GRM7: variants seen among roughly 807,000 people sequenced by gnomAD.
GRM7 encodes glutamate metabotropic receptor 7.
In GRM7, 35 loss-of-function variants were observed where a neutral mutation model predicts 84.5. The ratio of observed to expected loss-of-function variants is 0.41; its 90% CI spans 0.32 to 0.55. GRM7 has a LOEUF of 0.55. GRM7 is among the 20% of genes least tolerant of loss of function. The pLI, the probability that GRM7 is intolerant of heterozygous loss-of-function variation, is 0.19. For missense variants in GRM7, 1,003 were observed against 1,194.6 expected (o/e 0.84, Z 2.36); for synonymous variants, 487 against 455.1 (o/e 1.07, Z -0.89).
At position 7,410,594 on chromosome 3, in the gene GRM7, T is replaced by TAC. The variant is rs1443294487; in HGVS notation, c.1034-4428_1034-4427insCA. 1.5e-4 allele frequency among the ~76,000 whole-genome samples: 16 copies of TAC among 106,392 alleles called. No individual in the cohort carries two copies. In the East Asian group the frequency reaches 1.7e-3, roughly 11 times the overall value. The allele number at this position is 106,392 out of a possible 152,430, so 69.8% of individuals were successfully genotyped here. The stretch of plus-strand genomic sequence containing the variant: ...CTCAAAAAAACAAAATATATATATA[T>TAC]ATATACACACACACACACACACACA... On this transcript the variant is annotated intron_variant, in intron 4 of 9. Coordinates refer to ENST00000357716, the MANE Select transcript of GRM7 (RefSeq NM_000844.4).
In GRM7 at chr3:6,863,510, C is replaced by G. The variant is rs1694836100; in HGVS notation, c.519+1603C>G. On this transcript the variant is annotated intron_variant, in intron 1 of 9. Coordinates refer to ENST00000357716, the MANE Select transcript of GRM7 (RefSeq NM_000844.4). This position sits in a 1 kb window ranked among gnomAD's most constrained non-coding sequence, Gnocchi z 4.8. ...ATGGCCCCTCTGATCCTCTGAGCAT[C>G]TCTGACACTTCCTGAGTGCCATCAT... Among the ~76,000 whole-genome samples the G allele has an allele frequency of 6.6e-6, 1 of 152,204 alleles. No homozygotes were observed. The highest frequency in any genetic ancestry group is 2.4e-5 in the African/African-American group (1 of 41,458).
intron 1 of GRM7, among the ~76,000 whole-genome samples, chr3:7,076,254 T>C (rs991676016): frequency 6.6e-6 from 1 of 152,134 alleles, no homozygotes; most frequent in African/African-American, 2.4e-5. Flanking sequence ...GTTCCATTGT[T>C]TTCTTCCTGC....
intron 5 of GRM7, among the ~76,000 whole-genome samples, chr3:7,417,604 C>G (rs947267570): frequency 6.6e-6 from 1 of 152,092 alleles, no homozygotes; most frequent in African/African-American, 2.4e-5. Context: ...AGTAGTCTGA[C>G]ACTGAAGATC....
At position 7,298,727 on chromosome 3, in the gene GRM7, CAA is replaced by C. The variant is rs1266190622; in HGVS notation, c.782_783del (p.Lys261ArgfsTer5). ...AGTCCGTGAGAATCCCCCAGGAACGCAAAGACAGGACCATTGACTTTGATAGA... is the reference window on the plus strand; with the variant it reads ...AGTCCGTGAGAATCCCCCAGGAACGCAGACAGGACCATTGACTTTGATAGA... ...AQSVRIPQER[K>X]DRTIDFDRII... On this transcript the variant is annotated frameshift_variant, in exon 3 of 10. Transcript: ENST00000357716. LOFTEE classifies it high-confidence loss of function. 6.2e-7 allele frequency: 1 copy of C among 1,613,384 alleles called. No homozygotes were observed. The highest frequency in any genetic ancestry group is 1.3e-5 in the African/African-American group (1 of 74,898).
At chr3:7,339,860 C>A (rs558004054) in intron 4 of GRM7, among the ~76,000 whole-genome samples, 1 of 152,130 alleles carries the variant, frequency 6.6e-6, no homozygotes, top group Non-Finnish European at 1.5e-5. Context: ...TGAAAGGATT[C>A]CAGTGACCGC....
chr3:7,010,182 G>A (rs1695323255), intron 1 of GRM7, among the ~76,000 whole-genome samples: 1 of 152,210 alleles, frequency 6.6e-6, no homozygotes, highest in African/African-American at 2.4e-5. Context: ...CGGGCATGGT[G>A]CCTTACGCCT....
Position 7,116,001 on chromosome 3 carries a change from G to A in GRM7, c.520-30451G>A, listed in dbSNP as rs185389862. Among the ~76,000 whole-genome samples the A allele has an allele frequency of 3.3e-4, 50 of 152,204 alleles. No individual in the cohort carries two copies. In the East Asian group the frequency reaches 6.8e-3, roughly 21 times the overall value. On this transcript the variant is annotated intron_variant, in intron 1 of 9. Transcript: ENST00000357716. ...CTCTCAAACCTTAGATTCTTCCAGA[G>A]GGCTCTTATGCAAAGACCCTGGCAA...
At chr3:7,274,667 C>T (rs1179625878) in intron 2 of GRM7, among the ~76,000 whole-genome samples, 2 of 151,996 alleles carry the variant, frequency 1.3e-5, no homozygotes, top group African/African-American at 4.8e-5. Flanking sequence ...TACAGGTACA[C>T]TGTTTTTCAC....
intron 7 of GRM7, among the ~76,000 whole-genome samples, chr3:7,538,284 A>AT (rs1265051665): frequency 2.0e-5 from 3 of 151,910 alleles, no homozygotes; most frequent in African/African-American, 4.8e-5. Context: ...TAATTTTTGT[A>AT]TTTTTTTAGT....
chr3:7,122,242 A>G (rs1188213913), intron 1 of GRM7, among the ~76,000 whole-genome samples: 1 of 152,180 alleles, frequency 6.6e-6, no homozygotes, highest in East Asian at 1.9e-4. Context: ...GCCTATTTGC[A>G]GACATCTTGG....
intron 1 of GRM7, among the ~76,000 whole-genome samples, chr3:6,887,146 G>A (rs1695726693): frequency 6.6e-6 from 1 of 151,508 alleles, no homozygotes; most frequent in Non-Finnish European, 1.5e-5. Context: ...GAAAATACCA[G>A]ACACATTTAC....
At chr3:7,425,124 A>T (rs772282210) in intron 5 of GRM7, among the ~76,000 whole-genome samples, 3 of 152,122 alleles carry the variant, frequency 2.0e-5, no homozygotes, top group African/African-American at 4.8e-5. Context: ...TTCTATAGCA[A>T]TTTCCTCAGT....
rs955913774 is a variant in GRM7 at position 7,015,318 on chromosome 3, C to T, written c.520-131134C>T. Among the ~76,000 whole-genome samples the T allele has an allele frequency of 6.6e-5, 10 of 152,268 alleles. No homozygotes were observed. The East Asian group carries it at 1.9e-3, about 29-fold the overall frequency. On this transcript the variant is annotated intron_variant, in intron 1 of 9. Transcript: ENST00000357716. The stretch of plus-strand genomic sequence containing the variant: ...GAAGTCCGCGAGACCAAGAACCCAC[C>T]AGAAGGAACCAACTGTGGATGCAGT...
At chr3:7,199,065 C>A (rs1695977731) in intron 2 of GRM7, among the ~76,000 whole-genome samples, 1 of 151,978 alleles carries the variant, frequency 6.6e-6, no homozygotes, top group Non-Finnish European at 1.5e-5. Context: ...CTATCAATTT[C>A]TCCCTTCCTG....
intron 9 of GRM7, among the ~76,000 whole-genome samples, chr3:7,718,883 A>C (rs1189167424): frequency 6.6e-6 from 1 of 152,200 alleles, no homozygotes; most frequent in Non-Finnish European, 1.5e-5. Context: ...TGGTATATTC[A>C]TAAGTGGTTT....
chr3:7,143,213 G>A (rs191205384), intron 1 of GRM7, among the ~76,000 whole-genome samples: 7 of 152,214 alleles, frequency 4.6e-5, no homozygotes, highest in Admixed American at 2.0e-4. Context: ...GTAGTAGCAC[G>A]CAAAATAATA....
intron 7 of GRM7, among the ~76,000 whole-genome samples, chr3:7,518,592 G>A (rs1470413181): frequency 1.3e-5 from 2 of 152,060 alleles, no homozygotes; most frequent in Non-Finnish European, 2.9e-5. Flanking sequence ...CTCTAAACTG[G>A]CTGGGTTTTT....
At chr3:6,943,071 T>C (rs1053637772) in intron 1 of GRM7, among the ~76,000 whole-genome samples, 1 of 152,034 alleles carries the variant, frequency 6.6e-6, no homozygotes, top group African/African-American at 2.4e-5. Flanking sequence ...TGGTTCCTTA[T>C]TGTCAAGTTT....
At chr3:7,187,782 C>A (rs1460149019) in intron 2 of GRM7, among the ~76,000 whole-genome samples, 1 of 152,146 alleles carries the variant, frequency 6.6e-6, no homozygotes, top group Admixed American at 6.5e-5. Context: ...GAAGTGTTGT[C>A]ATGGCAATGG....
Sources: allele counts gnomAD v4.1 joint callset (sites outside exome capture counted in the v4.1 genomes callset), GRCh38; gene constraint gnomAD v4.1.1; non-coding constraint Gnocchi (gnomAD v3.1); transcripts MANE v1.5; gene names NCBI Gene and HGNC (gene_info 2026-07-23, HGNC 2026-07-21).